GLIS3: variants seen among roughly 807,000 people sequenced by gnomAD.
GLIS3 encodes zinc finger protein GLIS3.
Under a neutral mutation model 78.6 loss-of-function variants are expected in GLIS3, and 53 were observed. The ratio of observed to expected loss-of-function variants is 0.67; its 90% CI spans 0.54 to 0.85. GLIS3 has a LOEUF of 0.85. Ranked by LOEUF, GLIS3 falls within the 40% of genes least tolerant of loss-of-function variation. The pLI is 0.00. For synonymous variants in GLIS3, 684 were observed against 509.9 expected (o/e 1.34, Z -4.60); for missense variants, 1,703 against 1,231.1 (o/e 1.38, Z -5.74).
chr9:4,364,756 C>CTTTTTTTTT, the GLIS3 span, among the ~76,000 whole-genome samples: 33 of 61,096 alleles, frequency 5.4e-4, 4 homozygotes, highest in East Asian at 1.2e-3. Context: ...TCATGTATTG[C>CTTTTTTTTT]TTTTTTTTTT....
chr9:3,987,295 A>C (rs146289094), intron 4 of GLIS3, among the ~76,000 whole-genome samples: 1,569 of 152,278 alleles, frequency 0.01, 30 homozygotes, highest in African/African-American at 0.036. Context: ...AAACATAATG[A>C]GAAAAAAAAT....
At chr9:4,351,489 A>C (rs554915115), upstream of GLIS3, among the ~76,000 whole-genome samples, 4 of 152,002 alleles carry the variant, frequency 2.6e-5, no homozygotes, top group Non-Finnish European at 5.9e-5. Flanking sequence ...AGTTTAGAAT[A>C]TACACTGAAA....
chr9:4,244,759 G>C (rs1211818553), intron 2 of GLIS3, among the ~76,000 whole-genome samples: 2 of 152,022 alleles, frequency 1.3e-5, no homozygotes, highest in African/African-American at 2.4e-5. Flanking sequence ...ATTTTTAGTA[G>C]AGATAGGGTT....
intron 2 of GLIS3, among the ~76,000 whole-genome samples, chr9:4,271,552 G>C (rs1238294295): frequency 6.6e-6 from 1 of 152,248 alleles, no homozygotes; most frequent in South Asian, 2.1e-4. Context: ...TGTTGCCTAG[G>C]AAAAAGCAGC....
chr9:4,218,898 C>G (rs780239147), intron 2 of GLIS3, among the ~76,000 whole-genome samples: 15 of 152,204 alleles, frequency 9.9e-5, no homozygotes, highest in African/African-American at 2.4e-5. Context: ...TTATCTTCCA[C>G]AGAGCACTCA....
chr9:4,420,244 G>C, the GLIS3 span, among the ~76,000 whole-genome samples: 1 of 152,216 alleles, frequency 6.6e-6, no homozygotes, highest in Non-Finnish European at 1.5e-5. Flanking sequence ...TGAGAATCAA[G>C]TCCACTGAGT....
intron 2 of GLIS3, among the ~76,000 whole-genome samples, chr9:4,148,644 T>C (rs975021209): frequency 6.6e-6 from 1 of 152,082 alleles, no homozygotes; most frequent in African/African-American, 2.4e-5. Context: ...ATATTAGGCC[T>C]CAGCTTCCTA....
At chr9:4,090,581 A>C (rs1277464537) in intron 4 of GLIS3, among the ~76,000 whole-genome samples, 1 of 152,230 alleles carries the variant, frequency 6.6e-6, no homozygotes, top group East Asian at 1.9e-4. Flanking sequence ...GGTCCAAGAC[A>C]CAGAATCCCA....
chr9:4,074,149 T>C (rs926699950), intron 4 of GLIS3, among the ~76,000 whole-genome samples: 43 of 152,202 alleles, frequency 2.8e-4, no homozygotes, highest in Admixed American at 2.5e-3. Context: ...TGCTAATTTA[T>C]TGTTGAGCTA....
intron 2 of GLIS3, among the ~76,000 whole-genome samples, chr9:4,208,687 AC>A (rs1315554545): frequency 3.3e-5 from 5 of 151,958 alleles, no homozygotes; most frequent in African/African-American, 9.7e-5. Flanking sequence ...AATTTGAAAA[AC>A]CCTGGATGGT....
intron 9 of GLIS3, among the ~76,000 whole-genome samples, chr9:3,832,399 C>T (rs1354746509): frequency 2.0e-5 from 3 of 152,038 alleles, no homozygotes; most frequent in Non-Finnish European, 4.4e-5. Flanking sequence ...GTGGCATACC[C>T]GCTGTTCCTA....
the GLIS3 span, among the ~76,000 whole-genome samples, chr9:4,392,999 G>A: frequency 0.031 from 4,740 of 151,176 alleles, 94 homozygotes; most frequent in South Asian, 0.075. Flanking sequence ...AGTTTTACCC[G>A]ATCCCCCAAT....
chr9:3,862,125 T>G (rs1820252784), intron 8 of GLIS3, among the ~76,000 whole-genome samples: 1 of 152,132 alleles, frequency 6.6e-6, no homozygotes, highest in South Asian at 2.1e-4. Context: ...GAAAGGGCAC[T>G]GGAGCACCAT....
intron 2 of GLIS3, among the ~76,000 whole-genome samples, chr9:4,312,870 C>T (rs1817385833): frequency 6.6e-6 from 1 of 152,210 alleles, no homozygotes; most frequent in Non-Finnish European, 1.5e-5. Flanking sequence ...TTACTCAGGC[C>T]AGGCATGTTA....
At chr9:4,030,291 G>C (rs1157412288) in intron 4 of GLIS3, among the ~76,000 whole-genome samples, 1 of 152,080 alleles carries the variant, frequency 6.6e-6, no homozygotes, top group Non-Finnish European at 1.5e-5. Flanking sequence ...TTTTTGACTG[G>C]ATTATTAGAT....
the GLIS3 span, among the ~76,000 whole-genome samples, chr9:4,395,275 A>G: frequency 2.7e-3 from 410 of 152,294 alleles, 2 homozygotes; most frequent in African/African-American, 9.5e-3. Flanking sequence ...TCATTGACTC[A>G]TAATTATTTA....
At chr9:4,406,982 C>G in the GLIS3 span, among the ~76,000 whole-genome samples, 11 of 152,100 alleles carry the variant, frequency 7.2e-5, no homozygotes, top group South Asian at 2.1e-4. Context: ...CCCAGAATAG[C>G]CAAAGCTATC....
chr9:4,312,304 C>T (rs1433418596), intron 2 of GLIS3, among the ~76,000 whole-genome samples: 3 of 152,096 alleles, frequency 2.0e-5, no homozygotes, highest in Non-Finnish European at 4.4e-5. Context: ...CCCATCTCTA[C>T]TAAAAATACA....
the GLIS3 span, among the ~76,000 whole-genome samples, chr9:4,377,683 A>C: frequency 6.6e-6 from 1 of 152,176 alleles, no homozygotes; most frequent in Non-Finnish European, 1.5e-5. Flanking sequence ...CTGGTTTTAC[A>C]TTATTACAAG....
Sources: allele counts gnomAD v4.1 joint callset (sites outside exome capture counted in the v4.1 genomes callset), GRCh38; gene constraint gnomAD v4.1.1; transcripts MANE v1.5; gene names NCBI Gene and HGNC (gene_info 2026-07-23, HGNC 2026-07-21).